The following TM9SF3 variants were observed in gnomAD, a reference collection of about 807,000 sequenced individuals.
The protein encoded by TM9SF3 is transmembrane 9 superfamily member 3.
A neutral mutation model predicts 78.6 loss-of-function variants in TM9SF3; 14 were observed. The ratio of observed to expected loss-of-function variants is 0.18; its 90% confidence interval spans 0.12 to 0.28. The LOEUF is 0.28. Among genes scored for constraint, TM9SF3 ranks in the 10% least tolerant of loss-of-function variants. The pLI is 1.00. For missense variants in TM9SF3, 496 were observed against 721.9 expected (o/e 0.69, Z 3.59); for synonymous variants, 231 against 241.7 (o/e 0.96, Z 0.41).
intron 9 of TM9SF3, among the ~76,000 whole-genome samples, chr10:96,535,068 C>A (rs1179538070): frequency 6.6e-6 from 1 of 152,152 alleles, no homozygotes; most frequent in African/African-American, 2.4e-5. Context: ...AATTGAGTGG[C>A]AGCTGAAGTG....
chr10:96,550,789 T>G lies in TM9SF3; in HGVS notation c.959+456A>C, dbSNP rs139942153. On this transcript the variant is annotated intron_variant, in intron 7 of 14. Transcript: ENST00000371142. ...CATCAATTATTTTTCTAACCTTATG[T>G]GACTATTTCATCACTCTTTTTACTA... Among the ~76,000 whole-genome samples, 22 of 152,352 alleles carry G rather than the reference T, an allele frequency of 1.4e-4. No homozygotes were observed. The East Asian group carries it at 4.2e-3, about 29-fold the overall frequency.
intron 11 of TM9SF3, among the ~76,000 whole-genome samples, chr10:96,529,538 T>C (rs1847874133): frequency 6.6e-6 from 1 of 151,976 alleles, no homozygotes; most frequent in African/African-American, 2.4e-5. Context: ...TAGGACTTTA[T>C]GTTCTTGCTT....
At chr10:96,539,206 C>T (rs897952083) in intron 9 of TM9SF3, among the ~76,000 whole-genome samples, 34 of 148,272 alleles carry the variant, frequency 2.3e-4, no homozygotes, top group African/African-American at 8.3e-4. Context: ...TGTGGTGGCT[C>T]GTACCTGTAA....
chr10:96,586,880 C>CCT lies in TM9SF3; in HGVS notation c.-46_-45insAG. 4 of 952,522 alleles carry CCT rather than the reference C, an allele frequency of 4.2e-6. No homozygotes were observed. Among genetic ancestry groups the CCT allele is most frequent in the South Asian group, 4.9e-5 (1 of 20,372 alleles). 59.0% of individuals were successfully genotyped at this position (952,522 alleles called of 1,614,324 possible). A position where few individuals can be genotyped will look rare whatever the true frequency, so the allele number is the denominator to read the frequency against. On this transcript the variant is annotated 5_prime_UTR_variant, in exon 1 of 15. The change abolishes the stop of an existing upstream ORF in the 5' untranslated region. Transcript: ENST00000371142. The stretch of plus-strand genomic sequence containing the variant: ...CGGAGCCGGCTCACCGACTCCTCCT[C>CCT]CCGCCGCCGCCTCCTCCGCCGCCGC...
intron 2 of TM9SF3, among the ~76,000 whole-genome samples, chr10:96,572,251 T>C (rs531733780): frequency 6.6e-6 from 1 of 152,280 alleles, no homozygotes; most frequent in South Asian, 2.1e-4. Context: ...CATTCTCATT[T>C]AAACCTGACA....
intron 2 of TM9SF3, among the ~76,000 whole-genome samples, chr10:96,574,868 AACAATGAGAAC>A (rs1454320509): frequency 2.6e-5 from 4 of 152,188 alleles, no homozygotes; most frequent in African/African-American, 9.7e-5. Context: ...GTGGGAATTG[AACAATGAGAAC>A]ACATGGACAC....
intron 1 of TM9SF3, 68 bp downstream of exon 1, chr10:96,586,666 G>A (rs1221677518): frequency 3.4e-6 from 4 of 1,183,266 alleles, no homozygotes; most frequent in Non-Finnish European, 4.2e-6. Context: ...TCCAGGCTGC[G>A]TGGGGCCTGC....
At chr10:96,582,264 A>G (rs1303091889) in intron 1 of TM9SF3, among the ~76,000 whole-genome samples, 1 of 152,348 alleles carries the variant, frequency 6.6e-6, no homozygotes, top group East Asian at 1.9e-4. Flanking sequence ...CTATGGAATT[A>G]CATGTAAAAG....
intron 7 of TM9SF3, among the ~76,000 whole-genome samples, chr10:96,550,059 C>T (rs1848149179): frequency 6.6e-6 from 1 of 151,968 alleles, no homozygotes. Flanking sequence ...ACATTATGCC[C>T]GAAAATATGA....
At chr10:96,543,179 CAAG>C (rs1315912491) in intron 9 of TM9SF3, among the ~76,000 whole-genome samples, 3 of 152,096 alleles carry the variant, frequency 2.0e-5, no homozygotes, top group Non-Finnish European at 4.4e-5. Flanking sequence ...AAGGTAATAC[CAAG>C]AAGAATTGGG....
rs1444820544 is a variant in TM9SF3, at chr10:96,527,243, C to A, written c.1672G>T (p.Val558Leu). The A allele has an allele frequency of 2.5e-6, 4 of 1,611,334 alleles. No individual in the cohort carries two copies. In the Admixed American group the frequency reaches 6.7e-5, roughly 27 times the overall value. The change falls in exon 14 of 15, where the codon GTA (valine) becomes TTA (leucine). Residue 558 changes from valine to leucine, a missense_variant. Transcript: ENST00000371142. ...ATTATCCCCAAGGCTGTGCTAAATA[C>A]CGCCATATATCCAAAGTAAAATGAT... ...QTSFYFGYMA[V>L]FSTALGIMCG...
chr10:96,560,614 C>G, intron 4 of TM9SF3: 1 of 660,178 alleles, frequency 1.5e-6, no homozygotes, highest in South Asian at 1.4e-5. Context: ...TGATCTGTCC[C>G]TGGAGGTGGT....
intron 9 of TM9SF3, among the ~76,000 whole-genome samples, chr10:96,542,691 G>A (rs557170206): frequency 1.3e-4 from 19 of 151,842 alleles, no homozygotes; most frequent in Non-Finnish European, 2.5e-4. Context: ...TGTACTTTCT[G>A]ATGGCCTGGA....
In TM9SF3 at chr10:96,564,991, A is replaced by G. The variant is rs559843451; in HGVS notation, c.421+313T>C. Among the ~76,000 whole-genome samples the G allele has an allele frequency of 5.9e-5, 9 of 152,330 alleles. No individual in the cohort carries two copies. In the East Asian group the frequency reaches 1.5e-3, roughly 26 times the overall value. On this transcript the variant is annotated intron_variant, in intron 3 of 14. Coordinates refer to ENST00000371142, the MANE Select transcript of TM9SF3 (RefSeq NM_020123.4). Reference sequence around the variant, plus strand: ...TAGTCCCTTTAACTGTATTTAAAAGAACAAATTAAGATATGAAAAAAAATG... The same window carrying G: ...TAGTCCCTTTAACTGTATTTAAAAGGACAAATTAAGATATGAAAAAAAATG...
intron 11 of TM9SF3, 87 bp from the exon 12 acceptor site, chr10:96,528,264 A>C: frequency 2.3e-6 from 3 of 1,330,434 alleles, no homozygotes; most frequent in Non-Finnish European, 3.0e-6. Context: ...TTTAGTTCTC[A>C]TTTTTTTCTC....
intron 2 of TM9SF3, 118 bp downstream of exon 2, chr10:96,576,516 T>G: frequency 1.1e-6 from 1 of 933,696 alleles, no homozygotes; most frequent in South Asian, 2.1e-5. Context: ...CATCCTAACA[T>G]GTACATAACA....
chr10:96,563,147 C>T (rs1848329598), intron 3 of TM9SF3, among the ~76,000 whole-genome samples: 1 of 152,138 alleles, frequency 6.6e-6, no homozygotes, highest in South Asian at 2.1e-4. Context: ...ACAATCATAG[C>T]TCACTGCAGT....
intron 14 of TM9SF3, among the ~76,000 whole-genome samples, chr10:96,523,080 T>A (rs937310663): frequency 2.0e-5 from 3 of 151,908 alleles, no homozygotes; most frequent in Non-Finnish European, 4.4e-5. Flanking sequence ...GTTGAATGAA[T>A]GAATGAACTA....
chr10:96,545,159 G>A (rs1228247382), intron 8 of TM9SF3, among the ~76,000 whole-genome samples: 2 of 152,150 alleles, frequency 1.3e-5, no homozygotes, highest in East Asian at 1.9e-4. Context: ...GCAACAGAGA[G>A]CTGTCTTTCT....
Sources: allele counts gnomAD v4.1 joint callset (sites outside exome capture counted in the v4.1 genomes callset), GRCh38; gene constraint gnomAD v4.1.1; transcripts MANE v1.5; gene names NCBI Gene and HGNC (gene_info 2026-07-23, HGNC 2026-07-21).